The following LRRIQ3 variants were observed in gnomAD, a reference collection of about 807,000 sequenced individuals.
The protein encoded by LRRIQ3 is leucine-rich repeat and IQ domain-containing protein 3.
Under a neutral mutation model 59.3 loss-of-function variants are expected in LRRIQ3, and 75 were observed. The observed-to-expected ratio is 1.26, with a 90% CI of 1.05 to 1.53. LRRIQ3 has a LOEUF of 1.53. Ranked by LOEUF, LRRIQ3 falls within the 40% of genes most tolerant of loss-of-function variation. LRRIQ3 has a pLI of 0.00. For missense variants in LRRIQ3, 831 were observed against 710.0 expected (o/e 1.17, Z -1.94); for synonymous variants, 250 against 231.3 (o/e 1.08, Z -0.73).
At chr1:74,188,490 T>C (rs1409177253) in intron 1 of LRRIQ3, among the ~76,000 whole-genome samples, 1 of 152,202 alleles carries the variant, frequency 6.6e-6, no homozygotes, top group Admixed American at 6.6e-5. Flanking sequence ...CCTGCTATCT[T>C]AGGATGTTAC....
Position 74,041,210 on chromosome 1 carries a change from T to G in LRRIQ3, c.1718+3A>C, listed in dbSNP as rs1245309790. The stretch of plus-strand genomic sequence containing the variant: ...GCCTCTGTTATATCTAAATTGTACC[T>G]ACCTAACTTTTTTCATTTCTTTAAG... On this transcript the variant is annotated splice_donor_region_variant and intron_variant, in intron 7 of 7. Transcript: ENST00000354431. 6.4e-7 allele frequency: 1 copy of G among 1,557,754 alleles called. No homozygotes were observed.
chr1:74,135,062 A>C (rs1647098942), intron 4 of LRRIQ3, among the ~76,000 whole-genome samples: 1 of 151,980 alleles, frequency 6.6e-6, no homozygotes, highest in African/African-American at 2.4e-5. Context: ...AATAATGCAA[A>C]AATACCACAA....
intron 5 of LRRIQ3, among the ~76,000 whole-genome samples, chr1:74,105,304 T>G (rs1162930897): frequency 1.3e-5 from 2 of 150,916 alleles, no homozygotes; most frequent in Non-Finnish European, 3.0e-5. Flanking sequence ...CAGGCTGGAG[T>G]GCAGTGGTGT....
At chr1:74,107,367 C>T (rs957541725) in intron 5 of LRRIQ3, among the ~76,000 whole-genome samples, 1 of 151,604 alleles carries the variant, frequency 6.6e-6, no homozygotes, top group Non-Finnish European at 1.5e-5. Context: ...TGTTTTCTCA[C>T]CTCCACCCCT....
In LRRIQ3 at chr1:74,041,808, G is replaced by GT; in HGVS notation, c.1122dup (p.Gln375ThrfsTer21). On this transcript the variant is annotated frameshift_variant, in exon 7 of 8. Coordinates refer to ENST00000354431, the MANE Select transcript of LRRIQ3 (RefSeq NM_001105659.2). LOFTEE classifies it high-confidence loss of function. ...TGAGGATATGCAGGAAAAAAATGTT[G>GT]TTTTTTCTCTCTCAATACTGCATTA... 9 of 1,613,376 alleles carry GT rather than the reference G, an allele frequency of 5.6e-6. No homozygotes were observed. Among genetic ancestry groups the GT allele is most frequent in the Admixed American group, 1.7e-5 (1 of 59,950 alleles).
At chr1:74,037,244 TG>T (rs934257002) in intron 7 of LRRIQ3, among the ~76,000 whole-genome samples, 3 of 152,158 alleles carry the variant, frequency 2.0e-5, no homozygotes, top group African/African-American at 7.2e-5. Flanking sequence ...GGGGCCAAAA[TG>T]GCTGACTAGA....
At chr1:74,134,343 C>T (rs1349206854) in intron 4 of LRRIQ3, among the ~76,000 whole-genome samples, 1 of 151,916 alleles carries the variant, frequency 6.6e-6, no homozygotes, top group African/African-American at 2.4e-5. Flanking sequence ...TACCAATAGC[C>T]CCCCATAACC....
intron 6 of LRRIQ3, among the ~76,000 whole-genome samples, chr1:74,057,554 T>G (rs896961446): frequency 1.3e-5 from 2 of 152,126 alleles, no homozygotes; most frequent in Non-Finnish European, 2.9e-5. Flanking sequence ...TGCAGAAGAA[T>G]GAAACTAGAC....
intron 5 of LRRIQ3, among the ~76,000 whole-genome samples, chr1:74,076,427 A>T (rs988127929): frequency 6.6e-6 from 1 of 152,126 alleles, no homozygotes; most frequent in African/African-American, 2.4e-5. Context: ...AATCAAAACA[A>T]TATTTTTTTC....
intron 3 of LRRIQ3, among the ~76,000 whole-genome samples, chr1:74,169,567 A>G (rs1453730557): frequency 6.6e-6 from 1 of 151,920 alleles, no homozygotes; most frequent in Non-Finnish European, 1.5e-5. Flanking sequence ...ACTTTTTTTT[A>G]AGAGACAGGG....
rs369247112 is a variant in LRRIQ3, at chr1:74,183,605, T to C, written c.80A>G (p.Gln27Arg). The change falls in exon 2 of 8, where the codon CAA (glutamine) becomes CGA (arginine). Residue 27 changes from glutamine (Q) to arginine (R), a missense_variant. Physicochemically the swap from Gln to Arg is conservative, Grantham distance 43. Coordinates refer to ENST00000354431, the MANE Select transcript of LRRIQ3 (RefSeq NM_001105659.2). ...SHYNENIREG[Q>R]KDFVFVKFNG... ...GAACTTCACAAAAACAAAATCTTTT[T>C]GACCTTCTCTTATGTTTTCATTATA... 7 of 1,612,116 alleles carry C rather than the reference T, an allele frequency of 4.3e-6. No homozygotes were observed. Among genetic ancestry groups the C allele is most frequent in the African/African-American group, 4.0e-5 (3 of 74,852 alleles).
Position 74,183,600 on chromosome 1 carries a change from C to A in LRRIQ3, c.85G>T (p.Asp29Tyr), listed in dbSNP as rs754427571. The A allele has an allele frequency of 1.2e-6, 2 of 1,611,900 alleles. No homozygotes were observed. Among genetic ancestry groups the A allele is most frequent in the South Asian group, 1.1e-5 (1 of 90,938 alleles). Residue 29 changes from aspartate (D) to tyrosine (Y), a missense_variant, in exon 2 of 8, where the codon GAT becomes TAT. Transcript: ENST00000354431. Reference sequence around the variant, plus strand: ...CCATTGAACTTCACAAAAACAAAATCTTTTTGACCTTCTCTTATGTTTTCA... The same window carrying A: ...CCATTGAACTTCACAAAAACAAAATATTTTTGACCTTCTCTTATGTTTTCA... The part of the protein sequence containing the change: ...YNENIREGQK[D>Y]FVFVKFNGLH...
chr1:74,127,672 C>A (rs1557628825), intron 4 of LRRIQ3, among the ~76,000 whole-genome samples: 1 of 151,680 alleles, frequency 6.6e-6, no homozygotes, highest in Non-Finnish European at 1.5e-5. Context: ...AGTATGCTGT[C>A]TATGTCTTGA....
At chr1:74,075,393 C>A (rs1384288228) in intron 5 of LRRIQ3, among the ~76,000 whole-genome samples, 2 of 151,872 alleles carry the variant, frequency 1.3e-5, no homozygotes, top group Non-Finnish European at 1.5e-5. Context: ...ATGGCGAAAC[C>A]CTGTCTCTAC....
intron 4 of LRRIQ3, among the ~76,000 whole-genome samples, chr1:74,112,234 A>G (rs1570134530): frequency 6.6e-6 from 1 of 152,148 alleles, no homozygotes; most frequent in East Asian, 1.9e-4. Context: ...AGCCTATATG[A>G]ACATAGAACC....
At chr1:74,130,050 T>C (rs867105625) in intron 4 of LRRIQ3, among the ~76,000 whole-genome samples, 1 of 152,010 alleles carries the variant, frequency 6.6e-6, no homozygotes, top group Non-Finnish European at 1.5e-5. Context: ...GCAAGCTATG[T>C]TGTCTAGTGT....
chr1:74,078,502 G>A (rs1372649752), intron 5 of LRRIQ3, among the ~76,000 whole-genome samples: 1 of 151,778 alleles, frequency 6.6e-6, no homozygotes, highest in Non-Finnish European at 1.5e-5. Context: ...GGGATACTTG[G>A]TGGTGATTTT....
chr1:74,150,363 G>C (rs76243185), intron 4 of LRRIQ3, among the ~76,000 whole-genome samples: 3,230 of 151,980 alleles, frequency 0.021, 114 homozygotes, highest in African/African-American at 0.074. Context: ...GAACTGAATT[G>C]AATAAGTAAA....
rs553388662 is a variant in LRRIQ3 at position 74,122,408 on chromosome 1, G to A, written c.708-12855C>T. ...TGAGAAGTGTCTGTTCATATCCTTCGCCCACTTTTTGATGGGGTTGTTTTT... is the reference window on the plus strand; with the variant it reads ...TGAGAAGTGTCTGTTCATATCCTTCACCCACTTTTTGATGGGGTTGTTTTT... On this transcript the variant is annotated intron_variant, in intron 4 of 7. Coordinates refer to ENST00000354431, the MANE Select transcript of LRRIQ3 (RefSeq NM_001105659.2). Among the ~76,000 whole-genome samples the A allele has an allele frequency of 3.4e-3, 511 of 152,094 alleles. 1 individual carries two copies. Among genetic ancestry groups the A allele is most frequent in the African/African-American group, 0.012 (485 of 41,514 alleles).
Sources: allele counts gnomAD v4.1 joint callset (sites outside exome capture counted in the v4.1 genomes callset), GRCh38; gene constraint gnomAD v4.1.1; transcripts MANE v1.5; gene names NCBI Gene and HGNC (gene_info 2026-07-23, HGNC 2026-07-21).